SNTG1: variants seen among roughly 807,000 people sequenced by gnomAD.
SNTG1 encodes gamma-1-syntrophin.
SNTG1 carries 39 observed loss-of-function variants against 74.7 expected under a neutral mutation model. The observed-to-expected ratio is 0.52, with a 90% CI of 0.40 to 0.68. SNTG1 has a LOEUF of 0.68. Among genes scored for constraint, SNTG1 ranks in the 30% least tolerant of loss-of-function variants. SNTG1 has a pLI of 0.00. For missense variants in SNTG1, 685 were observed against 609.5 expected (o/e 1.12, Z -1.30); for synonymous variants, 254 against 217.1 (o/e 1.17, Z -1.49).
intron 9 of SNTG1, among the ~76,000 whole-genome samples, chr8:50,504,621 A>G (rs552342265): frequency 1.3e-5 from 2 of 152,212 alleles, no homozygotes; most frequent in African/African-American, 4.8e-5. Context: ...GCAAAATGCC[A>G]TCTCTACCAA....
In SNTG1 at chr8:49,912,177, C is replaced by G. The variant is rs1313238593; in HGVS notation, c.-157C>G. On this transcript the variant is annotated 5_prime_UTR_variant, in exon 1 of 19. Transcript: ENST00000642720. ...TTTGTGAAAAGAGGGTGGAGAGCTA[C>G]TCAAAATTCTACGTTAGAGAGACTG... The G allele has an allele frequency of 6.6e-6, 1 of 152,112 alleles. No individual in the cohort carries two copies. The highest frequency in any genetic ancestry group is 6.5e-5 in the Admixed American group (1 of 15,276). 9.4% of individuals were successfully genotyped at this position (152,112 alleles called of 1,614,324 possible).
chr8:49,995,322 A>G (rs917669016), intron 1 of SNTG1, among the ~76,000 whole-genome samples: 4 of 152,218 alleles, frequency 2.6e-5, no homozygotes, highest in Non-Finnish European at 2.9e-5. Flanking sequence ...TGGCTTTTTA[A>G]AAGAAAAATA....
intron 1 of SNTG1, among the ~76,000 whole-genome samples, chr8:50,001,046 C>T (rs751194576): frequency 6.6e-6 from 1 of 152,128 alleles, no homozygotes; most frequent in Non-Finnish European, 1.5e-5. Flanking sequence ...ATCAGTCATA[C>T]GCCACTGCAT....
chr8:50,298,197 T>C (rs2089479916), intron 2 of SNTG1, among the ~76,000 whole-genome samples: 1 of 152,172 alleles, frequency 6.6e-6, no homozygotes, highest in Non-Finnish European at 1.5e-5. Flanking sequence ...TCCTAGGTTT[T>C]GTCTCCAAAT....
chr8:49,987,958 A>G (rs895186424), intron 1 of SNTG1, among the ~76,000 whole-genome samples: 1 of 152,178 alleles, frequency 6.6e-6, no homozygotes, highest in African/African-American at 2.4e-5. Flanking sequence ...TTTAATGGCA[A>G]AAACTGCAAT....
chr8:50,417,678 G>A (rs1364160178), intron 4 of SNTG1, among the ~76,000 whole-genome samples: 1 of 152,020 alleles, frequency 6.6e-6, no homozygotes, highest in Non-Finnish European at 1.5e-5. Context: ...CTCTCTCCAA[G>A]TGTATCCAAT....
intron 1 of SNTG1, among the ~76,000 whole-genome samples, chr8:50,139,189 T>A (rs7840943): frequency 6.6e-6 from 1 of 152,302 alleles, no homozygotes; most frequent in East Asian, 1.9e-4. Flanking sequence ...AATTCTGACT[T>A]TTGGCATATA....
intron 1 of SNTG1, among the ~76,000 whole-genome samples, chr8:50,069,597 T>A: frequency 8.7e-6 from 1 of 115,284 alleles, no homozygotes; most frequent in African/African-American, 3.2e-5. Context: ...TTTTTTTTTT[T>A]TTTTTTTTTT....
intron 1 of SNTG1, among the ~76,000 whole-genome samples, chr8:50,048,784 T>A (rs1282283982): frequency 6.6e-6 from 1 of 152,158 alleles, no homozygotes; most frequent in African/African-American, 2.4e-5. Context: ...TTTCTTAATA[T>A]TTTACCTCTG....
intron 2 of SNTG1, among the ~76,000 whole-genome samples, chr8:50,372,947 T>A (rs78090694): frequency 0.05 from 7,655 of 152,258 alleles, 256 homozygotes; most frequent in Non-Finnish European, 0.071. Flanking sequence ...AGAAGTTATC[T>A]GTGTTATACT....
intron 1 of SNTG1, among the ~76,000 whole-genome samples, chr8:49,932,633 CA>C (rs1449362415): frequency 6.6e-6 from 1 of 151,848 alleles, no homozygotes; most frequent in East Asian, 1.9e-4. Context: ...ATTCCCATAA[CA>C]TAATACTTAC....
intron 17 of SNTG1, among the ~76,000 whole-genome samples, chr8:50,741,926 C>A (rs2131665759): frequency 6.6e-6 from 1 of 152,026 alleles, no homozygotes; most frequent in South Asian, 2.1e-4. Flanking sequence ...CTCTGCAAGA[C>A]ACTGTAATGG....
intron 1 of SNTG1, among the ~76,000 whole-genome samples, chr8:50,051,095 A>G (rs1819531697): frequency 6.6e-6 from 1 of 152,052 alleles, no homozygotes; most frequent in African/African-American, 2.4e-5. Context: ...AGACAAGGAT[A>G]TGTGCTCTTG....
intron 5 of SNTG1, among the ~76,000 whole-genome samples, chr8:50,439,523 G>C (rs2093338161): frequency 6.6e-6 from 1 of 151,960 alleles, no homozygotes; most frequent in Non-Finnish European, 1.5e-5. Flanking sequence ...GCGTTGTATT[G>C]TCAGTGATAA....
intron 2 of SNTG1, among the ~76,000 whole-genome samples, chr8:50,323,201 C>A (rs2090600117): frequency 6.6e-6 from 1 of 151,018 alleles, no homozygotes; most frequent in Admixed American, 6.6e-5. Context: ...TCACTTATTT[C>A]AATCTCTTTG....
intron 8 of SNTG1, among the ~76,000 whole-genome samples, chr8:50,467,499 T>G (rs1208021814): frequency 3.3e-5 from 5 of 151,928 alleles, no homozygotes; most frequent in African/African-American, 1.2e-4. Context: ...CTTTCATTTC[T>G]GACACTGGTA....
At chr8:50,595,352 C>A (rs768564199) in intron 13 of SNTG1, among the ~76,000 whole-genome samples, 1 of 151,924 alleles carries the variant, frequency 6.6e-6, no homozygotes, top group Non-Finnish European at 1.5e-5. Flanking sequence ...GGAAAATCAA[C>A]CAGCTCATAA....
Position 50,795,557 on chromosome 8 carries a change from GTGTT to G in SNTG1, c.*2731_*2734del, listed in dbSNP as rs1421216271. 6.6e-6 allele frequency: 1 copy of G among 152,030 alleles called. No individual in the cohort carries two copies. Among genetic ancestry groups the G allele is most frequent in the Non-Finnish European group, 1.5e-5 (1 of 67,976 alleles). 9.4% of individuals were successfully genotyped at this position (152,030 alleles called of 1,614,324 possible). On this transcript the variant is annotated 3_prime_UTR_variant, in exon 19 of 19. Coordinates refer to ENST00000642720, the MANE Select transcript of SNTG1 (RefSeq NM_018967.5). ...CCTTGGTATGTGTGAGCGTGTATGT[GTGTT>G]TGGGTGTGTGTCTGTGTATGTGTGT...
chr8:50,651,060 T>C (rs919225759), intron 13 of SNTG1, among the ~76,000 whole-genome samples: 1 of 152,214 alleles, frequency 6.6e-6, no homozygotes, highest in Non-Finnish European at 1.5e-5. Flanking sequence ...TTAAACATAA[T>C]TATAATATCT....
Sources: allele counts gnomAD v4.1 joint callset (sites outside exome capture counted in the v4.1 genomes callset), GRCh38; gene constraint gnomAD v4.1.1; transcripts MANE v1.5; gene names NCBI Gene and HGNC (gene_info 2026-07-23, HGNC 2026-07-21).